The following CBFA2T3 variants were observed in gnomAD, a reference collection of about 807,000 sequenced individuals.
CBFA2T3 encodes the protein CBFA2/RUNX1 partner transcriptional co-repressor 3, also known as transcriptional corepressor CBFA2T3.
In CBFA2T3, 31 loss-of-function variants were observed where a neutral mutation model predicts 58.6. That is an observed-to-expected ratio of 0.53 (90% CI 0.40 to 0.71). CBFA2T3 has a LOEUF of 0.71. Among genes scored for constraint, CBFA2T3 ranks in the 30% least tolerant of loss-of-function variants. The pLI is 0.00. For missense variants in CBFA2T3, 1,076 were observed against 963.1 expected, an observed-to-expected ratio of 1.12 and a Z score of -1.55; for synonymous variants, 531 against 421.9, an observed-to-expected ratio of 1.26 and a Z score of -3.17.
chr16:88,921,858 C>G lies in CBFA2T3; in HGVS notation c.152-20202G>C, dbSNP rs1970932921. On this transcript the variant is annotated intron_variant, in intron 1 of 11. Transcript: ENST00000268679. Reference sequence around the variant, plus strand: ...AGCCTTCGTGGTAATGACACAGTTTCTCGTTCGCTTGCTTCATTAAATGTC... The same window carrying G: ...AGCCTTCGTGGTAATGACACAGTTTGTCGTTCGCTTGCTTCATTAAATGTC... Among the ~76,000 whole-genome samples the G allele has an allele frequency of 2.0e-5, 3 of 152,364 alleles. No homozygotes were observed. In the Middle Eastern group the frequency reaches 0.01, roughly 518 times the overall value.
At chr16:88,943,491 C>T (rs905997649) in intron 1 of CBFA2T3, among the ~76,000 whole-genome samples, 1 of 152,222 alleles carries the variant, frequency 6.6e-6, no homozygotes, top group Non-Finnish European at 1.5e-5. Context: ...CACCGCAGCC[C>T]CTCCTCCCTA....
intron 8 of CBFA2T3, among the ~76,000 whole-genome samples, chr16:88,882,354 G>A (rs558220714): frequency 9.2e-5 from 14 of 151,946 alleles, no homozygotes; most frequent in African/African-American, 2.7e-4. Context: ...GTGCGTGGGT[G>A]TGGCTGTGTA....
At chr16:88,923,224 C>T (rs1201838596) in intron 1 of CBFA2T3, among the ~76,000 whole-genome samples, 1 of 152,220 alleles carries the variant, frequency 6.6e-6, no homozygotes, top group African/African-American at 2.4e-5. Context: ...GGGCGAGTCC[C>T]CTGGCCTTGC....
At chr16:88,925,494 G>A (rs774619850) in intron 1 of CBFA2T3, among the ~76,000 whole-genome samples, 3 of 152,178 alleles carry the variant, frequency 2.0e-5, no homozygotes, top group Non-Finnish European at 4.4e-5. Context: ...CCAGAGACCT[G>A]CTCCGAGTGC....
intron 7 of CBFA2T3, chr16:88,883,877 T>G (rs1043595478): frequency 1.3e-5 from 2 of 152,286 alleles, no homozygotes; most frequent in African/African-American, 2.4e-5. Flanking sequence ...GCCCCACTGT[T>G]TTCTGCATTT....
rs369233901 is a variant in CBFA2T3 at position 88,881,313 on chromosome 16, G to A, written c.1380C>T (p.Ala460=). 91 of 1,589,960 alleles carry A rather than the reference G, an allele frequency of 5.7e-5. No homozygotes were observed. The highest frequency in any genetic ancestry group is 5.0e-4 in the Middle Eastern group (3 of 6,004). Residue 460 remains alanine, a synonymous_variant, in exon 9 of 12, where the codon GCC becomes GCT. Coordinates refer to ENST00000268679, the MANE Select transcript of CBFA2T3 (RefSeq NM_005187.6). ...CACCTAGCTGAGGCCCTTCGGGACC[G>A]GCGGAGCTGCTGCGGGGCCGGGCCG... ...PAAARPRSSS[A]GPEGPQLDVP...
intron 1 of CBFA2T3, among the ~76,000 whole-genome samples, chr16:88,913,495 G>A (rs1196424277): frequency 6.6e-6 from 1 of 152,224 alleles, no homozygotes; most frequent in Non-Finnish European, 1.5e-5. Context: ...AGCTGCAAGG[G>A]ACCTGAGAGA....
At position 88,875,471 on chromosome 16, in the gene CBFA2T3, C is replaced by A. The variant is rs1968794326; in HGVS notation, c.*1505G>T. On this transcript the variant is annotated 3_prime_UTR_variant, in exon 12 of 12. Coordinates refer to ENST00000268679, the MANE Select transcript of CBFA2T3 (RefSeq NM_005187.6). ...CCAGGGCTATGTACACGGTCAGGGT[C>A]TTCCCTGGGGAGGAGGCAGAGGGCT... is the stretch of plus-strand genomic sequence containing the variant. The A allele has an allele frequency of 4.3e-6, 1 of 233,366 alleles. No homozygotes were observed. Among genetic ancestry groups the A allele is most frequent in the South Asian group, 1.8e-4 (1 of 5,566 alleles). 14.5% of individuals were successfully genotyped at this position (233,366 alleles called of 1,614,324 possible).
At position 88,976,091 on chromosome 16, in the gene CBFA2T3, TC is replaced by T. The variant is rs1443271586; in HGVS notation, c.151+565del. On this transcript the variant is annotated intron_variant, in intron 1 of 11. Coordinates refer to ENST00000268679, the MANE Select transcript of CBFA2T3 (RefSeq NM_005187.6). ...CTGGCGTCCTGCTGGACTGGACCCC[TC>T]CCCAGAGCCCGAAGCCCCCAGAAGG... Among the ~76,000 whole-genome samples the T allele has an allele frequency of 2.6e-5, 4 of 152,084 alleles. No individual in the cohort carries two copies. In the East Asian group the frequency reaches 5.8e-4, roughly 22 times the overall value.
At chr16:88,881,244 A>G in intron 9 of CBFA2T3, 47 bp downstream of exon 9, 1 of 1,529,920 alleles carries the variant, frequency 6.5e-7, no homozygotes, top group Non-Finnish European at 9.0e-7. Context: ...TGTCCGCCCC[A>G]CCAGAGCACC....
intron 10 of CBFA2T3, 160 bp from the exon 11 acceptor site, chr16:88,879,620 G>C: frequency 1.6e-6 from 1 of 636,820 alleles, no homozygotes; most frequent in Non-Finnish European, 2.8e-6. Context: ...GCTGTAGGCA[G>C]CTGAACACAC....
At chr16:88,960,955 T>G (rs759711444) in intron 1 of CBFA2T3, among the ~76,000 whole-genome samples, 2 of 152,248 alleles carry the variant, frequency 1.3e-5, no homozygotes, top group Non-Finnish European at 2.9e-5. Context: ...CAGGCAATAT[T>G]TGAGATACGC....
intron 1 of CBFA2T3, chr16:88,902,471 C>T (rs1024596406): frequency 6.6e-6 from 1 of 152,274 alleles, no homozygotes; most frequent in Non-Finnish European, 1.5e-5. Flanking sequence ...CCACCCAGGG[C>T]CAGCTGTGTC....
At position 88,945,201 on chromosome 16, in the gene CBFA2T3, T is replaced by C. The variant is rs892513578; in HGVS notation, c.151+31456A>G. On this transcript the variant is annotated intron_variant, in intron 1 of 11. Transcript: ENST00000268679. ...TAGCCACTGTCGTTCATTAAAAATA[T>C]CTGAATAAACTCGTCTTAAACACCT... Among the ~76,000 whole-genome samples, 7 of 152,208 alleles carry C rather than the reference T, an allele frequency of 4.6e-5. No homozygotes were observed. The South Asian group carries it at 1.4e-3, about 31-fold the overall frequency.
At chr16:88,902,226 G>A (rs937688468) in intron 1 of CBFA2T3, among the ~76,000 whole-genome samples, 7 of 152,178 alleles carry the variant, frequency 4.6e-5, no homozygotes, top group African/African-American at 7.2e-5. Flanking sequence ...TCTGCCCAGG[G>A]AGAGGCCGGC....
At chr16:88,938,883 G>A (rs192512960) in intron 1 of CBFA2T3, 1 of 152,194 alleles carries the variant, frequency 6.6e-6, no homozygotes, top group African/African-American at 2.4e-5. Context: ...AGCAGGGAAG[G>A]GGGGAGGCCA....
Position 88,879,336 on chromosome 16 carries a change from G to A in CBFA2T3, c.1596C>T (p.Ala532=), listed in dbSNP as rs747482443. 1.2e-5 allele frequency: 20 copies of A among 1,611,590 alleles called. No homozygotes were observed. In the Admixed American group the frequency reaches 2.3e-4, roughly 19 times the overall value. Reference sequence around the variant, plus strand: ...CCTCGGAGGCCTGCCGCTTCGCCTCGGCCAGGGCCCGCTCCATCTTGGCAC... The same window carrying A: ...CCTCGGAGGCCTGCCGCTTCGCCTCAGCCAGGGCCCGCTCCATCTTGGCAC... ...TERAKMERAL[A]EAKRQASEDA... The change falls in exon 11 of 12, where the codon GCC becomes GCT. Residue 532 remains alanine, a synonymous_variant. Transcript: ENST00000268679.
chr16:88,913,240 AGACACACGCAG>A (rs1245734621), intron 1 of CBFA2T3, among the ~76,000 whole-genome samples: 2 of 152,238 alleles, frequency 1.3e-5, no homozygotes, highest in Non-Finnish European at 2.9e-5. Flanking sequence ...GCCCAAGATG[AGACACACGCAG>A]GACAGGGTTG....
At chr16:88,968,727 G>A (rs934699262) in intron 1 of CBFA2T3, among the ~76,000 whole-genome samples, 8 of 152,296 alleles carry the variant, frequency 5.3e-5, no homozygotes, top group Non-Finnish European at 5.9e-5. Flanking sequence ...GGGAATAAGC[G>A]GCAAGAAGCT....
Sources: gnomAD v4.1 joint callset for allele counts (sites outside exome capture counted in the v4.1 genomes callset) on GRCh38, gnomAD v4.1.1 for gene constraint, MANE v1.5 for transcripts, NCBI Gene and HGNC (gene_info 2026-07-23, HGNC 2026-07-21) for gene names.